Variants in XPR1 observed in about 807,000 individuals in gnomAD.
XPR1 encodes the protein xenotropic and polytropic retrovirus receptor 1.
Under a neutral mutation model 87.5 loss-of-function variants are expected in XPR1, and 28 were observed. That is an observed-to-expected ratio of 0.32 (90% CI 0.24 to 0.44). XPR1 has a LOEUF of 0.44. XPR1 is among the 20% of genes least tolerant of loss of function. XPR1 has a pLI of 1.00. For synonymous variants in XPR1, 300 were observed against 306.1 expected (o/e 0.98, Z 0.21); for missense variants, 559 against 862.3 (o/e 0.65, Z 4.41).
chr1:180,812,616 T>C (rs1006122471), intron 7 of XPR1, among the ~76,000 whole-genome samples: 3 of 151,972 alleles, frequency 2.0e-5, no homozygotes, highest in African/African-American at 7.3e-5. Context: ...CTCACCACCT[T>C]GGCCAGTGCC....
At chr1:180,780,636 T>C (rs1240818104) in intron 2 of XPR1, among the ~76,000 whole-genome samples, 1 of 151,902 alleles carries the variant, frequency 6.6e-6, no homozygotes, top group Admixed American at 6.6e-5. Flanking sequence ...GGCTTGGTGG[T>C]GGGCACCTGT....
chr1:180,786,968 AAAAT>A (rs1163199659), intron 2 of XPR1, among the ~76,000 whole-genome samples: 1 of 152,226 alleles, frequency 6.6e-6, no homozygotes, highest in African/African-American at 2.4e-5. Context: ...AGTTAAAGTA[AAAAT>A]AAATAGCCAT....
chr1:180,786,673 A>G (rs1649152465), intron 2 of XPR1, among the ~76,000 whole-genome samples: 1 of 152,156 alleles, frequency 6.6e-6, no homozygotes, highest in Non-Finnish European at 1.5e-5. Flanking sequence ...ATTGGCCCAC[A>G]CAGTGTTTTT....
At chr1:180,856,317 C>A (rs1652030712) in intron 11 of XPR1, among the ~76,000 whole-genome samples, 1 of 151,488 alleles carries the variant, frequency 6.6e-6, no homozygotes, top group Admixed American at 6.6e-5. Context: ...AAAAAAAAAA[C>A]TGGAAATAAA....
intron 11 of XPR1, among the ~76,000 whole-genome samples, chr1:180,843,029 G>A (rs998218522): frequency 5.3e-5 from 8 of 152,082 alleles, no homozygotes; most frequent in Non-Finnish European, 8.8e-5. Flanking sequence ...CTTGTTTAAC[G>A]TTCTCTAAGG....
intron 2 of XPR1, among the ~76,000 whole-genome samples, chr1:180,709,073 G>A (rs975893162): frequency 2.6e-5 from 4 of 151,944 alleles, no homozygotes; most frequent in Admixed American, 6.6e-5. Context: ...CACCACACCC[G>A]GCTGATTTTT....
At chr1:180,646,158 T>A (rs1655113524) in intron 1 of XPR1, among the ~76,000 whole-genome samples, 1 of 152,218 alleles carries the variant, frequency 6.6e-6, no homozygotes, top group Non-Finnish European at 1.5e-5. Flanking sequence ...TGCTGTTTCA[T>A]CCATTTGTCT....
At chr1:180,879,973 G>T in intron 13 of XPR1, 103 bp from the exon 14 acceptor site, 8 of 1,249,772 alleles carry the variant, frequency 6.4e-6, no homozygotes, top group East Asian at 2.3e-5. Context: ...TTAATTCTTT[G>T]TTTTTGTTTC....
At chr1:180,734,554 A>G (rs1440687942) in intron 2 of XPR1, among the ~76,000 whole-genome samples, 3 of 152,254 alleles carry the variant, frequency 2.0e-5, no homozygotes, top group Admixed American at 1.3e-4. Flanking sequence ...AGAGAAAGGA[A>G]CTCAGATAAG....
chr1:180,716,046 G>A (rs751514450), intron 2 of XPR1, among the ~76,000 whole-genome samples: 10 of 152,186 alleles, frequency 6.6e-5, no homozygotes, highest in Non-Finnish European at 1.2e-4. Context: ...CATCAAGGGA[G>A]TGGACAATCC....
In XPR1 at chr1:180,835,350, T is replaced by TAAACA. The variant is rs754877767; in HGVS notation, c.1306+305_1306+306insAAACA. 2.3e-3 allele frequency among the ~76,000 whole-genome samples: 345 copies of TAAACA among 152,328 alleles called. 2 individuals are homozygous for TAAACA. Among genetic ancestry groups the TAAACA allele is most frequent in the Non-Finnish European group, 4.0e-3 (272 of 68,040 alleles). ...AAGTGCTTTCATGCCAGCAATTTGT[T>TAAACA]GTCTCACTATTGCTGTATAATGTAA... On this transcript the variant is annotated intron_variant, in intron 10 of 14. Transcript: ENST00000367590.
At chr1:180,882,684 G>A (rs1652881769) in intron 14 of XPR1, among the ~76,000 whole-genome samples, 1 of 152,028 alleles carries the variant, frequency 6.6e-6, no homozygotes, top group South Asian at 2.1e-4. Flanking sequence ...TATTTATAGT[G>A]GTAAATGGTT....
intron 2 of XPR1, among the ~76,000 whole-genome samples, chr1:180,754,049 A>G (rs1163420227): frequency 2.0e-5 from 3 of 152,178 alleles, no homozygotes; most frequent in African/African-American, 7.2e-5. Flanking sequence ...TTCTTTGACT[A>G]CCGATTCTAA....
chr1:180,703,738 C>T (rs1240288425), intron 2 of XPR1, among the ~76,000 whole-genome samples: 1 of 152,102 alleles, frequency 6.6e-6, no homozygotes, highest in African/African-American at 2.4e-5. Context: ...ATTAGTAGGT[C>T]TCTTAATTTT....
chr1:180,642,548 A>G (rs180672637), intron 1 of XPR1, among the ~76,000 whole-genome samples: 1 of 152,104 alleles, frequency 6.6e-6, no homozygotes, highest in Admixed American at 6.6e-5. Flanking sequence ...TATCCCCATT[A>G]TAAGAAGATA....
rs375777239 is a variant in XPR1, at chr1:180,713,501, C to T, written c.121+31090C>T. On this transcript the variant is annotated intron_variant, in intron 2 of 14. Coordinates refer to ENST00000367590, the MANE Select transcript of XPR1 (RefSeq NM_004736.4). ...TTTATTTCTTTTACTTGCCTGGTTA[C>T]GCTGGGCTGAATCTCTAATGCAATG... 3.7e-4 allele frequency among the ~76,000 whole-genome samples: 57 copies of T among 152,238 alleles called. No homozygotes were observed. In the South Asian group the frequency reaches 7.1e-3, roughly 19 times the overall value.
intron 2 of XPR1, among the ~76,000 whole-genome samples, chr1:180,762,992 C>G (rs1002317750): frequency 6.6e-6 from 1 of 152,082 alleles, no homozygotes; most frequent in African/African-American, 2.4e-5. Context: ...ACATTTTACA[C>G]GAATGACTTG....
At chr1:180,838,927 A>G (rs1405007267) in intron 11 of XPR1, among the ~76,000 whole-genome samples, 1 of 152,222 alleles carries the variant, frequency 6.6e-6, no homozygotes, top group African/African-American at 2.4e-5. Context: ...TATTACCTAC[A>G]GTTGATCAAA....
At chr1:180,859,704 A>G (rs964294414) in intron 11 of XPR1, among the ~76,000 whole-genome samples, 18 of 152,198 alleles carry the variant, frequency 1.2e-4, no homozygotes, top group African/African-American at 4.3e-4. Context: ...ACTCTGAAAT[A>G]TTCTGTAAGA....
Sources: allele counts gnomAD v4.1 joint callset (sites outside exome capture counted in the v4.1 genomes callset), GRCh38; gene constraint gnomAD v4.1.1; transcripts MANE v1.5; gene names NCBI Gene and HGNC (gene_info 2026-07-23, HGNC 2026-07-21).